CCDC178: variants seen among roughly 807,000 people sequenced by gnomAD.
The protein encoded by CCDC178 is coiled-coil domain-containing protein 178.
Under a neutral mutation model 117.4 loss-of-function variants are expected in CCDC178, and 126 were observed. That is an observed-to-expected ratio of 1.07 (90% CI 0.93 to 1.24). The LOEUF is 1.24. CCDC178 is among the 50% of genes most tolerant of loss of function. The pLI is 0.00. For missense variants in CCDC178, 1,030 were observed against 986.9 expected (o/e 1.04, Z -0.59); for synonymous variants, 283 against 313.4 (o/e 0.90, Z 1.02).
At chr18:33,027,740 C>G (rs763758040) in intron 21 of CCDC178, among the ~76,000 whole-genome samples, 7 of 151,528 alleles carry the variant, frequency 4.6e-5, no homozygotes, top group Non-Finnish European at 7.4e-5. Flanking sequence ...ACACTGTAGG[C>G]TGTTAGGAAA....
intron 2 of CCDC178, among the ~76,000 whole-genome samples, chr18:33,429,366 GAGAGACAGAC>G (rs2064173264): frequency 1.3e-5 from 2 of 152,018 alleles, no homozygotes; most frequent in African/African-American, 4.8e-5. Flanking sequence ...GAGGGGGAGA[GAGAGACAGAC>G]AGAGAGAGAG....
chr18:33,065,677 TAAAAGCAGCAAGAG>T (rs911018221), intron 21 of CCDC178, among the ~76,000 whole-genome samples: 1 of 152,082 alleles, frequency 6.6e-6, no homozygotes, highest in African/African-American at 2.4e-5. Context: ...GAGAGAATTA[TAAAAGCAGCAAGAG>T]AAAAGCAGCA....
At chr18:33,140,484 G>A (rs947953966) in intron 20 of CCDC178, among the ~76,000 whole-genome samples, 7 of 152,184 alleles carry the variant, frequency 4.6e-5, no homozygotes, top group South Asian at 2.1e-4. Flanking sequence ...AGTGTGACCC[G>A]GATGTGAGAC....
chr18:32,992,999 C>T (rs1380173713), intron 21 of CCDC178, among the ~76,000 whole-genome samples: 1 of 152,080 alleles, frequency 6.6e-6, no homozygotes, highest in Non-Finnish European at 1.5e-5. Flanking sequence ...AGCCCCGTCT[C>T]TGCTAAAAAT....
intron 21 of CCDC178, among the ~76,000 whole-genome samples, chr18:33,020,674 A>G (rs1193838395): frequency 1.3e-5 from 2 of 152,198 alleles, no homozygotes; most frequent in African/African-American, 4.8e-5. Context: ...AAAATTACGT[A>G]CTGAGTTTCT....
At chr18:32,989,479 A>G (rs1464194510) in intron 21 of CCDC178, among the ~76,000 whole-genome samples, 1 of 152,124 alleles carries the variant, frequency 6.6e-6, no homozygotes, top group Non-Finnish European at 1.5e-5. Context: ...TTTTTTCTGG[A>G]AAGAGCTAGA....
At chr18:33,066,705 C>G (rs1250447385) in intron 21 of CCDC178, among the ~76,000 whole-genome samples, 5 of 152,084 alleles carry the variant, frequency 3.3e-5, no homozygotes, top group Non-Finnish European at 7.4e-5. Flanking sequence ...AGTCGCTATA[C>G]TTATATCACA....
chr18:33,291,229 A>C (rs955343163), intron 12 of CCDC178, among the ~76,000 whole-genome samples: 2 of 152,174 alleles, frequency 1.3e-5, no homozygotes, highest in Non-Finnish European at 2.9e-5. Context: ...GAATGTATTT[A>C]TACCTGATAC....
At chr18:33,188,707 G>C (rs271451) in intron 20 of CCDC178, among the ~76,000 whole-genome samples, 24,522 of 152,074 alleles carry the variant, frequency 0.16, 2,759 homozygotes, top group African/African-American at 0.32. Flanking sequence ...GCATTTGGAG[G>C]CAGATTCACC....
intron 6 of CCDC178, 92 bp from the exon 7 acceptor site, chr18:33,356,438 A>T (rs1000124311): frequency 3.4e-6 from 4 of 1,183,076 alleles, no homozygotes; most frequent in Non-Finnish European, 4.6e-6. Flanking sequence ...TCTCTACTTT[A>T]CATATCTCTA....
intron 16 of CCDC178, among the ~76,000 whole-genome samples, chr18:33,225,460 G>C (rs189734814): frequency 6.6e-6 from 1 of 151,950 alleles, no homozygotes; most frequent in Non-Finnish European, 1.5e-5. Flanking sequence ...ACACACTGCC[G>C]AATGTAGTAT....
intron 20 of CCDC178, among the ~76,000 whole-genome samples, chr18:33,180,975 T>G (rs2058727255): frequency 6.6e-6 from 1 of 152,006 alleles, no homozygotes; most frequent in African/African-American, 2.4e-5. Flanking sequence ...ATGTCACAAT[T>G]TGGTGCATCC....
At chr18:33,145,568 C>T (rs1043911770) in intron 20 of CCDC178, among the ~76,000 whole-genome samples, 1 of 152,168 alleles carries the variant, frequency 6.6e-6, no homozygotes, top group African/African-American at 2.4e-5. Context: ...TAATGGGAGA[C>T]ATCGGCTGCT....
At chr18:32,974,741 G>C in intron 21 of CCDC178, 60 bp from the exon 22 acceptor site, 1 of 1,536,684 alleles carries the variant, frequency 6.5e-7, no homozygotes, top group Non-Finnish European at 8.9e-7. Context: ...ATTAATGGCA[G>C]TGTTCAAGAA....
rs1231395602 is a variant in CCDC178, at chr18:33,206,175, T to C, written c.2238+5721A>G. Among the ~76,000 whole-genome samples the C allele has an allele frequency of 2.0e-5, 3 of 152,166 alleles. No homozygotes were observed. In the East Asian group the frequency reaches 5.8e-4, roughly 29 times the overall value. On this transcript the variant is annotated intron_variant, in intron 20 of 22. Coordinates refer to ENST00000383096, the MANE Select transcript of CCDC178 (RefSeq NM_001105528.4). Reference sequence around the variant, plus strand: ...CAAGGCAGCTACATTCCCTAAATTGTAACTGGGTCAATGTGCAACTAAAAA... The same window carrying C: ...CAAGGCAGCTACATTCCCTAAATTGCAACTGGGTCAATGTGCAACTAAAAA...
chr18:32,956,559 C>G (rs1418346484), intron 22 of CCDC178: 2 of 152,118 alleles, frequency 1.3e-5, no homozygotes, highest in Non-Finnish European at 2.9e-5. Flanking sequence ...AAGTAAGTGG[C>G]CTTGGGAAAT....
chr18:32,958,093 C>CCGTATCAT, intron 22 of CCDC178: 1 of 377,736 alleles, frequency 2.6e-6, no homozygotes, highest in Non-Finnish European at 4.9e-6. Context: ...AAATGATGGG[C>CCGTATCAT]TAAATTATTG....
chr18:33,144,942 A>G (rs1162744797), intron 20 of CCDC178, among the ~76,000 whole-genome samples: 1 of 152,204 alleles, frequency 6.6e-6, no homozygotes, highest in Non-Finnish European at 1.5e-5. Flanking sequence ...GAAGGCTATT[A>G]GTAAGTTATT....
At chr18:33,388,043 A>G (rs1479568910) in intron 5 of CCDC178, among the ~76,000 whole-genome samples, 2 of 152,172 alleles carry the variant, frequency 1.3e-5, no homozygotes, top group African/African-American at 2.4e-5. Context: ...CATTAAAAAA[A>G]TGGGAAAAGG....
Sources: allele counts gnomAD v4.1 joint callset (sites outside exome capture counted in the v4.1 genomes callset), GRCh38; gene constraint gnomAD v4.1.1; transcripts MANE v1.5; gene names NCBI Gene and HGNC (gene_info 2026-07-23, HGNC 2026-07-21).